ACTN4: variants seen among roughly 807,000 people sequenced by gnomAD.
ACTN4 encodes the protein alpha-actinin-4.
Under a neutral mutation model 114.2 loss-of-function variants are expected in ACTN4, and 18 were observed. The ratio of observed to expected loss-of-function variants is 0.16; its 90% CI spans 0.11 to 0.23. The LOEUF (loss-of-function observed/expected upper bound fraction) is 0.23. Ranked by LOEUF, ACTN4 falls within the 10% of genes least tolerant of loss-of-function variation. The pLI, the probability that ACTN4 is intolerant of heterozygous loss-of-function variation, is 1.00. For synonymous variants in ACTN4, 515 were observed against 506.3 expected (o/e 1.02, Z -0.23); for missense variants, 722 against 1,262.9 (o/e 0.57, Z 6.49).
chr19:38,721,491 C>G, intron 11 of ACTN4, 47 bp from the exon 12 acceptor site: 1 of 1,609,790 alleles, frequency 6.2e-7, no homozygotes, highest in South Asian at 1.1e-5. Context: ...AGACTCCTGC[C>G]CCACAGCTGC....
chr19:38,720,093 C>T (rs73038936), intron 11 of ACTN4, among the ~76,000 whole-genome samples: 22,779 of 152,268 alleles, frequency 0.15, 2,017 homozygotes, highest in Middle Eastern at 0.36. Context: ...TGAAACAGGA[C>T]AGGCAGGCCC....
At chr19:38,701,696 C>T (rs958738993) in intron 3 of ACTN4, among the ~76,000 whole-genome samples, 4 of 152,254 alleles carry the variant, frequency 2.6e-5, no homozygotes, top group Non-Finnish European at 5.9e-5. Flanking sequence ...CAGTCCACTA[C>T]CTGCAGGCCC....
intron 1 of ACTN4, among the ~76,000 whole-genome samples, chr19:38,673,504 T>C (rs1212865339): frequency 9.9e-6 from 1 of 100,720 alleles, no homozygotes. Flanking sequence ...TATTTATATA[T>C]ATGAATATAT....
Position 38,717,020 on chromosome 19 carries a change from G to T in ACTN4, c.913-66G>T. ...TCCAGATCCCATGTGCCCATAAGCT[G>T]GGGGGCAGCCCGTCAGCACTCTGAG... On this transcript the variant is annotated intron_variant, in intron 9 of 20. Coordinates refer to ENST00000252699, the MANE Select transcript of ACTN4 (RefSeq NM_004924.6). This position sits in a 1 kb window ranked among gnomAD's most constrained non-coding sequence, Gnocchi z 4.0. 6.6e-7 allele frequency: 1 copy of T among 1,514,756 alleles called. No homozygotes were observed. 93.8% of individuals were successfully genotyped at this position (1,514,756 alleles called of 1,614,324 possible).
At chr19:38,706,463 C>T (rs1235470376) in intron 5 of ACTN4, among the ~76,000 whole-genome samples, 1 of 152,244 alleles carries the variant, frequency 6.6e-6, no homozygotes, top group Non-Finnish European at 1.5e-5. Context: ...GTCACCCAGA[C>T]TGGAGGGCAG....
chr19:38,681,591 T>A (rs1282552616), intron 1 of ACTN4, among the ~76,000 whole-genome samples: 1 of 152,172 alleles, frequency 6.6e-6, no homozygotes, highest in Non-Finnish European at 1.5e-5. Context: ...CTGATCGCAA[T>A]CGCGCTCTCC....
chr19:38,702,148 T>C (rs1968299062), intron 3 of ACTN4, among the ~76,000 whole-genome samples: 1 of 152,234 alleles, frequency 6.6e-6, no homozygotes, highest in African/African-American at 2.4e-5. Context: ...CTGCATTTAT[T>C]TTGCTCAAAT....
intron 1 of ACTN4, among the ~76,000 whole-genome samples, chr19:38,696,547 T>G (rs1020926394): frequency 1.3e-5 from 2 of 152,176 alleles, no homozygotes; most frequent in South Asian, 4.1e-4. Context: ...ATTTTTAATG[T>G]CCCATTCGAA....
In ACTN4 at chr19:38,730,121, AACAAAAACCAAAAAAAAAAAAAATC is replaced by A. The variant is rs1042134274; in HGVS notation, c.*698_*722del. On this transcript the variant is annotated 3_prime_UTR_variant, in exon 21 of 21. Transcript: ENST00000252699. ...AAAAAAAGGAAAAAAAACACAAAACAACAAAAACCAAAAAAAAAAAAAATCACAAAAACAAAAAAACTATAAAAAA... is the reference window on the plus strand; with the variant it reads ...AAAAAAAGGAAAAAAAACACAAAACAACAAAAACAAAAAAACTATAAAAAA... 1.4e-5 allele frequency: 2 copies of A among 145,518 alleles called. No homozygotes were observed. Among genetic ancestry groups the A allele is most frequent in the African/African-American group, 5.1e-5 (2 of 39,416 alleles). 9.0% of individuals were successfully genotyped at this position (145,518 alleles called of 1,614,324 possible).
intron 1 of ACTN4, among the ~76,000 whole-genome samples, chr19:38,674,797 C>G (rs75378394): frequency 1.3e-5 from 2 of 152,128 alleles, no homozygotes; most frequent in Non-Finnish European, 2.9e-5. Flanking sequence ...GACTCAGGGC[C>G]CACAGTGCCT....
In ACTN4 at chr19:38,655,563, C is replaced by T. The variant is rs536264857; in HGVS notation, c.162+7656C>T. 2.0e-5 allele frequency among the ~76,000 whole-genome samples: 3 copies of T among 152,240 alleles called. No individual in the cohort carries two copies. The East Asian group carries it at 5.8e-4, about 29-fold the overall frequency. On this transcript the variant is annotated intron_variant, in intron 1 of 20. Coordinates refer to ENST00000252699, the MANE Select transcript of ACTN4 (RefSeq NM_004924.6). ...GAGGTGGGCAGGGCAGCACCTTGTC[C>T]AGGAGCACACAGCCCCTCTTGGCTC... is the stretch of plus-strand genomic sequence containing the variant.
chr19:38,674,144 G>C (rs916456018), intron 1 of ACTN4, among the ~76,000 whole-genome samples: 5 of 152,084 alleles, frequency 3.3e-5, no homozygotes, highest in Non-Finnish European at 7.4e-5. Flanking sequence ...ACTTGCAATA[G>C]ATTGTGTGGG....
chr19:38,709,592 C>A, intron 7 of ACTN4, 116 bp downstream of exon 7: 1 of 888,498 alleles, frequency 1.1e-6, no homozygotes, highest in Non-Finnish European at 1.9e-6. Context: ...CCTTGGGGAG[C>A]TGGCAGAGCC....
intron 19 of ACTN4, 51 bp downstream of exon 19, chr19:38,728,077 C>CTCTCTCCT: frequency 6.5e-7 from 1 of 1,550,316 alleles, no homozygotes; most frequent in Non-Finnish European, 8.8e-7. Flanking sequence ...CTCTCTCTCT[C>CTCTCTCCT]TCTCTCCTTC....
Position 38,730,414 on chromosome 19 carries a change from G to A in ACTN4, c.*982G>A, listed in dbSNP as rs1459476483. On this transcript the variant is annotated 3_prime_UTR_variant, in exon 21 of 21. Transcript: ENST00000252699. The stretch of plus-strand genomic sequence containing the variant: ...TGGCCTGGCTGCCTGGTGGTTGATG[G>A]TTTTGCTCCCCCTACCTTTTTTTTT... 3 of 186,290 alleles carry A rather than the reference G, an allele frequency of 1.6e-5. No individual in the cohort carries two copies. In the South Asian group the frequency reaches 3.0e-4, roughly 18 times the overall value. 11.5% of individuals were successfully genotyped at this position (186,290 alleles called of 1,614,324 possible).
chr19:38,649,115 G>C (rs1330270033), intron 1 of ACTN4, among the ~76,000 whole-genome samples: 1 of 143,248 alleles, frequency 7.0e-6, no homozygotes. Flanking sequence ...GTCTTTTTTG[G>C]AGAGACCGGA....
Position 38,731,287 on chromosome 19 carries a change from A to AC in ACTN4, c.*1859dup. The AC allele has an allele frequency of 8.0e-7, 1 of 1,251,734 alleles. No individual in the cohort carries two copies. 77.5% of individuals were successfully genotyped at this position (1,251,734 alleles called of 1,614,324 possible). A position where few individuals can be genotyped will look rare whatever the true frequency, so the allele number is the denominator to read the frequency against. On this transcript the variant is annotated 3_prime_UTR_variant, in exon 21 of 21. Coordinates refer to ENST00000252699, the MANE Select transcript of ACTN4 (RefSeq NM_004924.6). Reference sequence around the variant, plus strand: ...GAACCCACCTTGGCATTGCATCCCCACCCCACCTCCTCAGGGAGGACATGA... The same window carrying AC: ...GAACCCACCTTGGCATTGCATCCCCACCCCCACCTCCTCAGGGAGGACATGA...
chr19:38,719,964 AC>A (rs1183838511), intron 11 of ACTN4, among the ~76,000 whole-genome samples: 1 of 152,090 alleles, frequency 6.6e-6, no homozygotes, highest in Non-Finnish European at 1.5e-5. Flanking sequence ...TCCCTGCCCC[AC>A]CCCTACCTGA....
chr19:38,692,415 A>G (rs972582826), intron 1 of ACTN4, among the ~76,000 whole-genome samples: 24 of 152,132 alleles, frequency 1.6e-4, no homozygotes, highest in African/African-American at 4.1e-4. Context: ...TGTTCTTTCA[A>G]CCTGCTTCCT....
Sources: allele counts gnomAD v4.1 joint callset (sites outside exome capture counted in the v4.1 genomes callset), GRCh38; gene constraint gnomAD v4.1.1; non-coding constraint Gnocchi (gnomAD v3.1); transcripts MANE v1.5; gene names NCBI Gene and HGNC (gene_info 2026-07-23, HGNC 2026-07-21).